WDFY3: variants seen among roughly 807,000 people sequenced by gnomAD.
WDFY3 encodes WD repeat and FYVE domain-containing protein 3.
In WDFY3, 66 loss-of-function variants were observed where a neutral mutation model predicts 409.6. That is an observed-to-expected ratio of 0.16 (90% CI 0.13 to 0.20). The LOEUF is 0.20. WDFY3 is among the 10% of genes least tolerant of loss of function. WDFY3 has a pLI of 1.00. For synonymous variants in WDFY3, 1,521 were observed against 1,537.1 expected, an observed-to-expected ratio of 0.99 and a Z score of 0.25; for missense variants, 3,031 against 4,298.1, an observed-to-expected ratio of 0.71 and a Z score of 8.24.
At chr4:84,952,855 A>G (rs919340158) in intron 1 of WDFY3, among the ~76,000 whole-genome samples, 4 of 152,202 alleles carry the variant, frequency 2.6e-5, no homozygotes. Context: ...TGGTGCAGCC[A>G]TTATGGAAAA....
At chr4:84,933,201 C>G (rs1396975049) in intron 1 of WDFY3, among the ~76,000 whole-genome samples, 1 of 152,030 alleles carries the variant, frequency 6.6e-6, no homozygotes, top group East Asian at 1.9e-4. Context: ...ATTTGTTAAA[C>G]TCTTTAATCG....
At chr4:84,905,700 T>A (rs1766954137) in intron 2 of WDFY3, among the ~76,000 whole-genome samples, 1 of 152,206 alleles carries the variant, frequency 6.6e-6, no homozygotes, top group African/African-American at 2.4e-5. Context: ...TTTCAGTGTG[T>A]TTAATAAAAG....
chr4:84,690,966 A>G (rs1729164559), intron 60 of WDFY3, among the ~76,000 whole-genome samples: 1 of 152,236 alleles, frequency 6.6e-6, no homozygotes, highest in South Asian at 2.1e-4. Flanking sequence ...TGGAAGGTGC[A>G]GGGGACAATG....
chr4:84,719,163 C>T (rs534211156), intron 47 of WDFY3, among the ~76,000 whole-genome samples: 2 of 152,224 alleles, frequency 1.3e-5, no homozygotes, highest in East Asian at 3.9e-4. Context: ...GCTTTCTGTT[C>T]CACACAGTTT....
intron 36 of WDFY3, among the ~76,000 whole-genome samples, chr4:84,748,787 A>T (rs1739963759): frequency 6.6e-6 from 1 of 152,216 alleles, no homozygotes. Flanking sequence ...TAACACTCAT[A>T]GGACTGAAGA....
intron 47 of WDFY3, among the ~76,000 whole-genome samples, chr4:84,719,139 A>T (rs1242694907): frequency 1.3e-5 from 2 of 152,214 alleles, no homozygotes; most frequent in Non-Finnish European, 2.9e-5. Flanking sequence ...TAATCAGGTT[A>T]GGAATTATTG....
Position 84,672,904 on chromosome 4 carries a change from A to T in WDFY3, c.10545T>A (p.His3515Gln), listed in dbSNP as rs1246307211. The T allele has an allele frequency of 6.2e-7, 1 of 1,612,774 alleles. No individual in the cohort carries two copies. The highest frequency in any genetic ancestry group is 8.5e-7 in the Non-Finnish European group (1 of 1,179,418). ...VCQNCYYNLQ[H>Q]ERGSEDGPRN... ...GAGGCCCATCTTCTGAACCTCTCTC[A>T]TGCTGTAAGTTATAATAACAGTTCT... The change falls in exon 68 of 68, where the codon CAT (histidine) becomes CAA (glutamine). Residue 3515 changes from histidine (H) to glutamine (Q), a missense_variant. Physicochemically the swap from His to Gln is conservative, Grantham distance 24 (BLOSUM62 0). This residue lies in a region of WDFY3 where 378 missense variants were observed against 477.3 expected (regional missense o/e 0.79). Transcript: ENST00000295888.
intron 30 of WDFY3, among the ~76,000 whole-genome samples, chr4:84,771,944 C>A (rs946338602): frequency 6.6e-6 from 1 of 152,136 alleles, no homozygotes; most frequent in Non-Finnish European, 1.5e-5. Flanking sequence ...CTCTCCATCT[C>A]TCCTTTGAAA....
chr4:84,690,627 T>C lies in WDFY3; in HGVS notation c.9242A>G (p.Gln3081Arg), dbSNP rs1234202265. 1.2e-6 allele frequency: 2 copies of C among 1,614,094 alleles called. No homozygotes were observed. Among genetic ancestry groups the C allele is most frequent in the Non-Finnish European group, 1.7e-6 (2 of 1,179,994 alleles). The part of the protein sequence containing the change: ...TVYECLSEWG[Q>R]ILCAICPNPK... ...GTTGGGGCAGATTGCACAGAGAATC[T>C]GGCCCCACTCAGACAAGCATTCATA... Residue 3081 changes from glutamine to arginine, a missense_variant, in exon 61 of 68, where the codon CAG (glutamine) becomes CGG (arginine). By Grantham distance (43) the Gln-to-Arg change is conservative (BLOSUM62 1). This residue lies in a region of WDFY3 where 152 missense variants were observed against 193.5 expected (regional missense o/e 0.79). Coordinates refer to ENST00000295888, the MANE Select transcript of WDFY3 (RefSeq NM_014991.6).
intron 52 of WDFY3, 110 bp downstream of exon 52, chr4:84,709,183 A>T: frequency 7.1e-7 from 1 of 1,407,894 alleles, no homozygotes; most frequent in Non-Finnish European, 9.7e-7. Flanking sequence ...ATGAAAATAA[A>T]ACATTTTCTC....
chr4:84,690,766 G>A, intron 60 of WDFY3, 102 bp from the exon 61 acceptor site: 2 of 1,346,518 alleles, frequency 1.5e-6, no homozygotes, highest in Non-Finnish European at 2.0e-6. Flanking sequence ...CACCTCACCA[G>A]CAAATAGCGG....
chr4:84,737,843 G>A (rs1050795813), intron 40 of WDFY3, among the ~76,000 whole-genome samples: 4 of 151,996 alleles, frequency 2.6e-5, no homozygotes, highest in African/African-American at 7.2e-5. Flanking sequence ...CAGACCAGTC[G>A]GCCCTCAGCA....
Position 84,704,462 on chromosome 4 carries a change from A to G in WDFY3, c.8336-18T>C, listed in dbSNP as rs1434587863. The stretch of plus-strand genomic sequence containing the variant: ...AGTTTCTCCTGTTTAAGAAAATTAA[A>G]GCACAATTGAAACCAAAAGAAGAAA... On this transcript the variant is annotated intron_variant, in intron 54 of 67. Coordinates refer to ENST00000295888, the MANE Select transcript of WDFY3 (RefSeq NM_014991.6). The G allele has an allele frequency of 4.5e-6, 7 of 1,544,764 alleles. No homozygotes were observed. The highest frequency in any genetic ancestry group is 5.3e-6 in the Non-Finnish European group (6 of 1,136,258).
intron 29 of WDFY3, among the ~76,000 whole-genome samples, chr4:84,773,658 T>C (rs1378995052): frequency 6.6e-6 from 1 of 152,232 alleles, no homozygotes; most frequent in African/African-American, 2.4e-5. Flanking sequence ...CTTGACATAA[T>C]GATAATTATA....
intron 30 of WDFY3, among the ~76,000 whole-genome samples, chr4:84,767,480 A>G (rs1161360364): frequency 6.6e-6 from 1 of 152,184 alleles, no homozygotes; most frequent in Non-Finnish European, 1.5e-5. Context: ...GCAAGAAATG[A>G]TTAAGTTCAG....
chr4:84,941,959 T>C (rs997900513), intron 1 of WDFY3, among the ~76,000 whole-genome samples: 1 of 151,818 alleles, frequency 6.6e-6, no homozygotes, highest in East Asian at 1.9e-4. Context: ...TAATCAGATA[T>C]CCACAACCCA....
At chr4:84,822,088 A>G (rs1754152582) in intron 10 of WDFY3, among the ~76,000 whole-genome samples, 1 of 152,180 alleles carries the variant, frequency 6.6e-6, no homozygotes, top group Non-Finnish European at 1.5e-5. Context: ...CTAACAGTAC[A>G]ATTTCTTCAT....
chr4:84,817,648 G>C (rs1753495629), intron 12 of WDFY3, 63 bp from the exon 13 acceptor site: 1 of 1,382,112 alleles, frequency 7.2e-7, no homozygotes, highest in African/African-American at 1.5e-5. Context: ...CAAGTCAGAT[G>C]AATTAACATT....
Position 84,810,093 on chromosome 4 carries a change from C to A in WDFY3, c.2139G>T (p.Glu713Asp), listed in dbSNP as rs777370874. ...SHFFKTEIQY[E>D]KLADAVRFLG... ...GAAATCGAACAGCATCTGCCAACTT[C>A]TCATACTGAATCTCTGTTTTGAAGA... The change falls in exon 14 of 68, where the codon GAG (glutamate) becomes GAT (aspartate). Residue 713 changes from glutamate (E) to aspartate (D), a missense_variant. By Grantham distance (45) the Glu-to-Asp change is conservative. Transcript: ENST00000295888. 1 of 1,614,200 alleles carries A rather than the reference C, an allele frequency of 6.2e-7. No individual in the cohort carries two copies. Among genetic ancestry groups the A allele is most frequent in the South Asian group, 1.1e-5 (1 of 91,090 alleles).
Sources: gnomAD v4.1 joint callset for allele counts (sites outside exome capture counted in the v4.1 genomes callset) on GRCh38, gnomAD v4.1.1 for gene constraint, gnomAD v4.1.1 regional missense constraint, MANE v1.5 for transcripts, NCBI Gene and HGNC (gene_info 2026-07-23, HGNC 2026-07-21) for gene names.